Variants in PLEKHA7 observed in about 807,000 individuals in gnomAD.
The protein encoded by PLEKHA7 is pleckstrin homology domain-containing family A member 7.
A neutral mutation model predicts 170.0 loss-of-function variants in PLEKHA7; 104 were observed. The observed-to-expected ratio is 0.61, with a 90% CI of 0.52 to 0.72. PLEKHA7 has a LOEUF of 0.72. PLEKHA7 is among the 30% of genes least tolerant of loss of function. The pLI is 0.00. For synonymous variants in PLEKHA7, 648 were observed against 660.8 expected, an observed-to-expected ratio of 0.98 and a Z score of 0.30; for missense variants, 1,615 against 1,671.7, an observed-to-expected ratio of 0.97 and a Z score of 0.59.
rs1848138148 is a variant in PLEKHA7 at position 16,795,206 on chromosome 11, G to A, written c.2410-188C>T. 1.6e-5 allele frequency: 9 copies of A among 566,446 alleles called. 1 individual carries two copies. In the South Asian group the frequency reaches 1.7e-4, roughly 11 times the overall value. The allele number at this position is 566,446 out of a possible 1,614,324, so 35.1% of individuals were successfully genotyped here. A position where few individuals can be genotyped will look rare whatever the true frequency, so the allele number is the denominator to read the frequency against. On this transcript the variant is annotated intron_variant, in intron 17 of 26. Transcript: ENST00000531066. Reference sequence around the variant, plus strand: ...AAGCATAGACAAGGAAAATGCCCACGATCCAGGGAGAAATTTCAGAGTAGC... The same window carrying A: ...AAGCATAGACAAGGAAAATGCCCACAATCCAGGGAGAAATTTCAGAGTAGC...
intron 26 of PLEKHA7, 141 bp from the exon 27 acceptor site, chr11:16,779,161 C>T (rs1848837446): frequency 3.0e-6 from 2 of 675,104 alleles, no homozygotes; most frequent in Non-Finnish European, 2.7e-6. Context: ...TGCTGGGGGA[C>T]CCTCAGCTTC....
intron 3 of PLEKHA7, among the ~76,000 whole-genome samples, chr11:16,886,453 G>A (rs1034702884): frequency 3.3e-5 from 5 of 152,222 alleles, no homozygotes; most frequent in Admixed American, 1.3e-4. Flanking sequence ...GCTCATGCCT[G>A]TAATCCCAGC....
At chr11:16,852,010 A>G (rs1010022488) in intron 7 of PLEKHA7, among the ~76,000 whole-genome samples, 2 of 152,246 alleles carry the variant, frequency 1.3e-5, no homozygotes, top group Admixed American at 6.5e-5. Context: ...CCAACATTCA[A>G]TAAATCCAGA....
rs567172989 is a variant in PLEKHA7, at chr11:16,833,653, A to C, written c.873-7063T>G. Reference sequence around the variant, plus strand: ...GTGTGCTAGGAATCTGTCATGGACAACCTGCAATCCCTGTAACAATTCTGC... The same window carrying C: ...GTGTGCTAGGAATCTGTCATGGACACCCTGCAATCCCTGTAACAATTCTGC... On this transcript the variant is annotated intron_variant, in intron 9 of 26. Coordinates refer to ENST00000531066, the MANE Select transcript of PLEKHA7 (RefSeq NM_001329630.2). Among the ~76,000 whole-genome samples the C allele has an allele frequency of 4.6e-5, 7 of 152,302 alleles. No homozygotes were observed. The East Asian group carries it at 1.4e-3, about 29-fold the overall frequency.
chr11:16,897,768 C>A (rs919639430), intron 3 of PLEKHA7, among the ~76,000 whole-genome samples: 4 of 152,184 alleles, frequency 2.6e-5, no homozygotes, highest in African/African-American at 9.6e-5. Flanking sequence ...ATGACTCTAA[C>A]TAGCTGCAGC....
At chr11:16,841,425 TAA>T in intron 9 of PLEKHA7, 120 bp downstream of exon 9, 1 of 1,121,162 alleles carries the variant, frequency 8.9e-7, no homozygotes, top group South Asian at 1.8e-5. Flanking sequence ...AGAAAGTTTA[TAA>T]AGAGAGGGCA....
At chr11:16,943,129 G>T (rs1182762189) in intron 3 of PLEKHA7, among the ~76,000 whole-genome samples, 1 of 152,078 alleles carries the variant, frequency 6.6e-6, no homozygotes, top group African/African-American at 2.4e-5. Context: ...AGCCACATAC[G>T]CAATTTCGAA....
intron 13 of PLEKHA7, among the ~76,000 whole-genome samples, chr11:16,807,755 C>G: frequency 6.6e-6 from 1 of 152,140 alleles, no homozygotes; most frequent in Non-Finnish European, 1.5e-5. Context: ...CAACATTGTC[C>G]TCATTACCTA....
At chr11:16,796,624 C>G (rs1415608486) in intron 17 of PLEKHA7, among the ~76,000 whole-genome samples, 1 of 152,120 alleles carries the variant, frequency 6.6e-6, no homozygotes, top group African/African-American at 2.4e-5. Context: ...ATACTAAAAA[C>G]CACTGAAACG....
intron 3 of PLEKHA7, among the ~76,000 whole-genome samples, chr11:16,905,620 G>A (rs1486319632): frequency 2.6e-5 from 4 of 152,186 alleles, no homozygotes; most frequent in South Asian, 4.1e-4. Flanking sequence ...GGTATTGCTA[G>A]AAGGTGAAAA....
intron 3 of PLEKHA7, among the ~76,000 whole-genome samples, chr11:16,906,658 G>A (rs1426323858): frequency 5.0e-5 from 7 of 139,162 alleles, no homozygotes; most frequent in South Asian, 2.4e-4. Context: ...GTGCAGTGGC[G>A]TGATCTCGGC....
intron 3 of PLEKHA7, among the ~76,000 whole-genome samples, chr11:16,903,352 G>A (rs1004059917): frequency 3.3e-5 from 5 of 152,150 alleles, no homozygotes; most frequent in African/African-American, 7.2e-5. Context: ...GAATAAATGG[G>A]CAAACAGAGC....
chr11:16,903,012 T>C (rs192544465), intron 3 of PLEKHA7, among the ~76,000 whole-genome samples: 11 of 152,258 alleles, frequency 7.2e-5, no homozygotes, highest in Admixed American at 6.5e-4. Flanking sequence ...TCAAAAGAGT[T>C]GAATTAAAAG....
intron 3 of PLEKHA7, among the ~76,000 whole-genome samples, chr11:16,984,681 T>C (rs1442857606): frequency 1.3e-5 from 2 of 152,242 alleles, no homozygotes; most frequent in African/African-American, 4.8e-5. Flanking sequence ...TCTGATACTA[T>C]ATATTTTAAC....
intron 7 of PLEKHA7, 26 bp downstream of exon 7, chr11:16,852,256 AG>A (rs1853034145): frequency 6.2e-7 from 1 of 1,607,242 alleles, no homozygotes; most frequent in Non-Finnish European, 8.5e-7. Flanking sequence ...ACACTTCGGC[AG>A]GGTAATAGGC....
chr11:16,914,786 T>C (rs1858514387), intron 3 of PLEKHA7, among the ~76,000 whole-genome samples: 1 of 152,212 alleles, frequency 6.6e-6, no homozygotes, highest in African/African-American at 2.4e-5. Flanking sequence ...GTTTTACATA[T>C]GAGAAAATGG....
intron 8 of PLEKHA7, among the ~76,000 whole-genome samples, chr11:16,845,361 A>T (rs149672128): frequency 1.8e-4 from 27 of 152,098 alleles, no homozygotes; most frequent in Non-Finnish European, 2.6e-4. Context: ...TTGTTTTGTT[A>T]TGTTGTTTTG....
At chr11:16,913,831 T>C (rs1328035889) in intron 3 of PLEKHA7, among the ~76,000 whole-genome samples, 2 of 152,204 alleles carry the variant, frequency 1.3e-5, no homozygotes, top group Non-Finnish European at 2.9e-5. Flanking sequence ...CACCACACCA[T>C]AACTTTTTTG....
Position 16,817,005 on chromosome 11 carries a change from C to T in PLEKHA7, c.1661G>A (p.Ser554Asn), listed in dbSNP as rs1404748636. The change falls in exon 11 of 27, where the codon AGC becomes AAC. Residue 554 changes from serine (S) to asparagine (N), a missense_variant. Coordinates refer to ENST00000531066, the MANE Select transcript of PLEKHA7 (RefSeq NM_001329630.2). The surrounding 1 kb of genome is among the most constrained non-coding windows in gnomAD (Gnocchi z 4.4). ...GCGGGGCACCTCTAGCATGCTCCTG[C>T]TCCGGCCCTGGTCGGTGAACTCTGG... ...GSPEFTDQGRSRSMLEVPRSI... is the reference protein window; with the variant it reads ...GSPEFTDQGRNRSMLEVPRSI... 6.2e-7 allele frequency: 1 copy of T among 1,603,702 alleles called. No homozygotes were observed. Among genetic ancestry groups the T allele is most frequent in the Non-Finnish European group, 8.5e-7 (1 of 1,174,060 alleles).
Sources: gnomAD v4.1 joint callset for allele counts (sites outside exome capture counted in the v4.1 genomes callset) on GRCh38, gnomAD v4.1.1 for gene constraint, Gnocchi (gnomAD v3.1) non-coding constraint, MANE v1.5 for transcripts, NCBI Gene and HGNC (gene_info 2026-07-23, HGNC 2026-07-21) for gene names.